PANK3: variants seen among roughly 807,000 people sequenced by gnomAD.
PANK3 encodes the protein hPanK3.
PANK3 carries 20 observed loss-of-function variants against 39.4 expected under a neutral mutation model. The observed-to-expected ratio is 0.51, with a 90% CI of 0.36 to 0.74. PANK3 has a LOEUF of 0.74. Ranked by LOEUF, PANK3 falls within the 30% of genes least tolerant of loss-of-function variation. The pLI, the probability that PANK3 is intolerant of heterozygous loss-of-function variation, is 0.00. For missense variants in PANK3, 265 were observed against 437.0 expected (o/e 0.61, Z 3.51); for synonymous variants, 140 against 157.3 (o/e 0.89, Z 0.82).
At chr5:168,562,777 AACTT>A (rs1223027582) in intron 4 of PANK3, among the ~76,000 whole-genome samples, 1 of 152,188 alleles carries the variant, frequency 6.6e-6, no homozygotes, top group East Asian at 1.9e-4. Flanking sequence ...TTAATATGTA[AACTT>A]ACTGAGATTC....
chr5:168,573,077 C>T (rs1326493102), intron 1 of PANK3, among the ~76,000 whole-genome samples: 1 of 152,070 alleles, frequency 6.6e-6, no homozygotes, highest in Non-Finnish European at 1.5e-5. Context: ...GTGTTCGTTC[C>T]TTGAGTGCTG....
At chr5:168,569,924 C>T (rs918600853) in intron 1 of PANK3, among the ~76,000 whole-genome samples, 1 of 152,114 alleles carries the variant, frequency 6.6e-6, no homozygotes, top group Admixed American at 6.5e-5. Context: ...TGGCAGCATG[C>T]ACCTGTAGTC....
In PANK3 at chr5:168,550,730, G is replaced by A. The variant is rs1759262838; in HGVS notation, c.*6841C>T. ...CTCCAAAACATGACACCAAATACCT[G>A]AAAAAAAATTTACTTTAGTTATCTC... is the stretch of plus-strand genomic sequence containing the variant. On this transcript the variant is annotated 3_prime_UTR_variant, in exon 7 of 7. Coordinates refer to ENST00000239231, the MANE Select transcript of PANK3 (RefSeq NM_024594.4). 6.6e-6 allele frequency: 1 copy of A among 151,670 alleles called. No homozygotes were observed. Among genetic ancestry groups the A allele is most frequent in the African/African-American group, 2.4e-5 (1 of 41,288 alleles). 9.4% of individuals were successfully genotyped at this position (151,670 alleles called of 1,614,324 possible).
At chr5:168,577,218 C>T (rs896312811) in intron 1 of PANK3, among the ~76,000 whole-genome samples, 1 of 151,962 alleles carries the variant, frequency 6.6e-6, no homozygotes, top group East Asian at 1.9e-4. Flanking sequence ...GTTGAAATAC[C>T]TTCTTTCCCA....
chr5:168,560,329 GCA>G (rs1031089157), intron 5 of PANK3, among the ~76,000 whole-genome samples: 6 of 152,120 alleles, frequency 3.9e-5, no homozygotes, highest in Admixed American at 1.3e-4. Flanking sequence ...ATGTCTACAT[GCA>G]CAGTTTCCCC....
At position 168,566,029 on chromosome 5, in the gene PANK3, G is replaced by A. The variant is rs1428588652; in HGVS notation, c.619C>T (p.Arg207Ter). Residue 207 changes from arginine to a stop codon, truncating the protein, a stop_gained, in exon 3 of 7, where the codon CGA (arginine) becomes TGA (stop). Coordinates refer to ENST00000239231, the MANE Select transcript of PANK3 (RefSeq NM_024594.4). LOFTEE classifies it high-confidence loss of function. ...GGTCACTACCTTGTCCCAGTCACTC[G>A]TTTATAGTTGTCTTTGGAATGGACT... ...LAVHSKDNYK[R>*]VTGTSLGGGT... 10 of 1,612,588 alleles carry A rather than the reference G, an allele frequency of 6.2e-6. No homozygotes were observed. In the Admixed American group the frequency reaches 6.7e-5, roughly 11 times the overall value.
chr5:168,574,243 T>G (rs994770643), intron 1 of PANK3, among the ~76,000 whole-genome samples: 18 of 150,940 alleles, frequency 1.2e-4, no homozygotes, highest in Non-Finnish European at 2.7e-4. Flanking sequence ...CATTGTGGTT[T>G]TGATTTGCAT....
chr5:168,566,176 C>T lies in PANK3; in HGVS notation c.472G>A (p.Ala158Thr). ...YIDSVSFNGQAECYYFANASE... is the reference protein window; with the variant it reads ...YIDSVSFNGQTECYYFANASE... ...GCATTAGCAAAATAATAGCACTCGG[C>T]TTGTCCATTGAAACTGACAGAGTCT... Residue 158 changes from alanine (A) to threonine (T), a missense_variant, in exon 3 of 7, where the codon GCC becomes ACC. Ala to Thr is a moderately conservative substitution (Grantham distance 58). Coordinates refer to ENST00000239231, the MANE Select transcript of PANK3 (RefSeq NM_024594.4). 1.2e-6 allele frequency: 2 copies of T among 1,614,024 alleles called. No homozygotes were observed. The highest frequency in any genetic ancestry group is 1.1e-5 in the South Asian group (1 of 91,078).
Position 168,568,777 on chromosome 5 carries a change from A to T in PANK3, c.250T>A (p.Phe84Ile). 6.2e-7 allele frequency: 1 copy of T among 1,614,082 alleles called. No homozygotes were observed. Among genetic ancestry groups the T allele is most frequent in the Non-Finnish European group, 8.5e-7 (1 of 1,180,004 alleles). Residue 84 changes from phenylalanine to isoleucine, a missense_variant, in exon 2 of 7, where the codon TTT becomes ATT. Around this residue, in one of 3 missense-constraint regions of PANK3, gnomAD observed 154 missense variants for 256.8 expected, o/e 0.60. Coordinates refer to ENST00000239231, the MANE Select transcript of PANK3 (RefSeq NM_024594.4). Reference protein sequence around the residue: ...TLFGRRGNLHFIRFPTQDLPT... With the variant: ...TLFGRRGNLHIIRFPTQDLPT... ...AGGTCCTGGGTTGGAAACCTGATAAAGTGCAAGTTCCCTCTTCGGCCAAAA... is the reference window on the plus strand; with the variant it reads ...AGGTCCTGGGTTGGAAACCTGATAATGTGCAAGTTCCCTCTTCGGCCAAAA...
intron 3 of PANK3, among the ~76,000 whole-genome samples, 128 bp downstream of exon 3, chr5:168,565,856 TTAAAAAAAAAAAATATATATATATATATA>T (rs1759514548): frequency 1.5e-5 from 1 of 67,810 alleles, no homozygotes; most frequent in African/African-American, 9.3e-5. Flanking sequence ...CCTCTTTCAC[TTAAAAAAAAAAAATATATATATATATATA>T]TTTTTTTTTT....
At position 168,548,877 on chromosome 5, in the gene PANK3, C is replaced by G. The variant is rs944756569; in HGVS notation, c.*8694G>C. The G allele has an allele frequency of 4.6e-5, 7 of 152,030 alleles. No homozygotes were observed. The highest frequency in any genetic ancestry group is 1.7e-4 in the African/African-American group (7 of 41,396). The allele number at this position is 152,030 out of a possible 1,614,324, so 9.4% of individuals were successfully genotyped here. A position where few individuals can be genotyped will look rare whatever the true frequency, so the allele number is the denominator to read the frequency against. On this transcript the variant is annotated 3_prime_UTR_variant, in exon 7 of 7. Coordinates refer to ENST00000239231, the MANE Select transcript of PANK3 (RefSeq NM_024594.4). ...ATCATACATTTTTACATCACAGATT[C>G]AGTGTTAAAAGAATTCAGACATGAT...
chr5:168,574,698 C>T (rs7720353), intron 1 of PANK3, among the ~76,000 whole-genome samples: 67,352 of 151,848 alleles, frequency 0.44, 15,809 homozygotes, highest in East Asian at 0.61. Flanking sequence ...TCGTCTCTAC[C>T]AGAAATACAA....
At chr5:168,563,288 A>G (rs180762214) in intron 4 of PANK3, among the ~76,000 whole-genome samples, 1 of 152,290 alleles carries the variant, frequency 6.6e-6, no homozygotes, top group Non-Finnish European at 1.5e-5. Flanking sequence ...CACAGAAAAT[A>G]AAATATGCAA....
In PANK3 at chr5:168,569,355, T is replaced by TG. The variant is rs879392584; in HGVS notation, c.29-358_29-357insC. The stretch of plus-strand genomic sequence containing the variant: ...GCCCACCACCACGCCTGCCTAATTT[T>TG]TTTTTTTTTTGTATTTTTAGTAGAG... On this transcript the variant is annotated intron_variant, in intron 1 of 6. Transcript: ENST00000239231. 1.9e-3 allele frequency among the ~76,000 whole-genome samples: 280 copies of TG among 150,878 alleles called. 2 individuals carry two copies. The highest frequency in any genetic ancestry group is 3.2e-3 in the Non-Finnish European group (219 of 67,604).
chr5:168,564,253 G>A (rs1759489380), intron 3 of PANK3, among the ~76,000 whole-genome samples, 188 bp from the exon 4 acceptor site: 1 of 151,714 alleles, frequency 6.6e-6, no homozygotes, highest in African/African-American at 2.4e-5. Context: ...TTAGATCAAA[G>A]AATAAACCAA....
chr5:168,555,667 A>T lies in PANK3; in HGVS notation c.*1904T>A, dbSNP rs1010738771. 6.6e-6 allele frequency: 1 copy of T among 152,264 alleles called. No individual in the cohort carries two copies. The highest frequency in any genetic ancestry group is 1.5e-5 in the Non-Finnish European group (1 of 68,044). The allele number at this position is 152,264 out of a possible 1,614,324, so 9.4% of individuals were successfully genotyped here. On this transcript the variant is annotated 3_prime_UTR_variant, in exon 7 of 7. Coordinates refer to ENST00000239231, the MANE Select transcript of PANK3 (RefSeq NM_024594.4). ...TTATTGTCCTTTAGAGCACATCTCA[A>T]TTTGGACTAACCATATTTCAAATGC...
At chr5:168,574,211 T>C (rs898093843) in intron 1 of PANK3, among the ~76,000 whole-genome samples, 2 of 150,766 alleles carry the variant, frequency 1.3e-5, no homozygotes, top group Non-Finnish European at 2.9e-5. Flanking sequence ...ATTGCCATTC[T>C]AACTGGTGTG....
At position 168,563,939 on chromosome 5, in the gene PANK3, A is replaced by G; in HGVS notation, c.762T>C (p.Tyr254=). The change falls in exon 4 of 7, where the codon TAT becomes TAC. Residue 254 remains tyrosine, a synonymous_variant. Transcript: ENST00000239231. Reference sequence around the variant, plus strand: ...AACCAAATCTTTCATAATCTCCTCCATAAATATCACGGACCAGCTTGTCAG... The same window carrying G: ...AACCAAATCTTTCATAATCTCCTCCGTAAATATCACGGACCAGCTTGTCAG... The part of the protein sequence containing the change: ...TQADKLVRDI[Y]GGDYERFGLP... 6.2e-7 allele frequency: 1 copy of G among 1,612,888 alleles called. No homozygotes were observed. Among genetic ancestry groups the G allele is most frequent in the Non-Finnish European group, 8.5e-7 (1 of 1,179,412 alleles).
intron 1 of PANK3, among the ~76,000 whole-genome samples, 171 bp from the exon 2 acceptor site, chr5:168,569,169 T>C (rs1359564569): frequency 6.7e-6 from 1 of 149,106 alleles, no homozygotes; most frequent in Non-Finnish European, 1.5e-5. Flanking sequence ...ACTTACCTTT[T>C]TCCCTTCAAA....
Sources: allele counts gnomAD v4.1 joint callset (sites outside exome capture counted in the v4.1 genomes callset), GRCh38; gene constraint gnomAD v4.1.1; regional missense constraint gnomAD v4.1.1; transcripts MANE v1.5; gene names NCBI Gene and HGNC (gene_info 2026-07-23, HGNC 2026-07-21).